Variants in PIK3R4 observed in about 807,000 individuals in gnomAD.
PIK3R4 encodes the protein phosphoinositide 3-kinase regulatory subunit 4.
A neutral mutation model predicts 136.5 loss-of-function variants in PIK3R4; 46 were observed. That is an observed-to-expected ratio of 0.34 (90% CI 0.27 to 0.43). The LOEUF (loss-of-function observed/expected upper bound fraction) is 0.43, where lower values mean the gene tolerates loss of function less well. Among genes scored for constraint, PIK3R4 ranks in the 20% least tolerant of loss-of-function variants. The probability of loss-of-function intolerance (pLI) is 1.00; values close to 1 mark genes in which losing one functional copy is unlikely to be tolerated. For missense variants in PIK3R4, 1,331 were observed against 1,649.5 expected (o/e 0.81, Z 3.35); for synonymous variants, 557 against 566.7 (o/e 0.98, Z 0.24).
chr3:130,744,436 G>T, intron 2 of PIK3R4, 50 bp downstream of exon 2: 1 of 1,529,222 alleles, frequency 6.5e-7, no homozygotes, highest in Non-Finnish European at 8.7e-7. Context: ...CTGTTTAACA[G>T]TTAAAAGAAA....
chr3:130,716,589 T>C lies in PIK3R4; in HGVS notation c.2138A>G (p.Lys713Arg). 6.2e-7 allele frequency: 1 copy of C among 1,609,580 alleles called. No homozygotes were observed. Residue 713 changes from lysine (K) to arginine (R), a missense_variant, in exon 9 of 20, where the codon AAA becomes AGA. Around this residue, in one of 2 missense-constraint regions of PIK3R4, gnomAD observed 1,180 missense variants for 1,407.0 expected, o/e 0.84. Transcript: ENST00000356763. ...ITQPIIQIER[K>R]LVLLSVLKEP... Reference sequence around the variant, plus strand: ...CTTTAAAACACTGAGCAGAACAAGTTTTCTTTCAATCTATATTGGAAAAAT... The same window carrying C: ...CTTTAAAACACTGAGCAGAACAAGTCTTCTTTCAATCTATATTGGAAAAAT...
chr3:130,729,028 C>A (rs2066748487), intron 5 of PIK3R4, among the ~76,000 whole-genome samples: 1 of 152,120 alleles, frequency 6.6e-6, no homozygotes, highest in African/African-American at 2.4e-5. Context: ...TAATCAAGGA[C>A]TTGAAAATAA....
At chr3:130,702,782 C>A (rs965268081) in intron 13 of PIK3R4, among the ~76,000 whole-genome samples, 2 of 152,192 alleles carry the variant, frequency 1.3e-5, no homozygotes, top group Admixed American at 6.6e-5. Flanking sequence ...TTATTAAAAT[C>A]ACATCATGCA....
chr3:130,706,443 G>A (rs1224195342), intron 11 of PIK3R4, among the ~76,000 whole-genome samples: 2 of 152,154 alleles, frequency 1.3e-5, no homozygotes, highest in Non-Finnish European at 2.9e-5. Context: ...GGTACCGGAA[G>A]TACAGTTTCT....
intron 12 of PIK3R4, among the ~76,000 whole-genome samples, chr3:130,704,505 G>A (rs1377787285): frequency 1.3e-5 from 2 of 152,244 alleles, no homozygotes; most frequent in East Asian, 3.9e-4. Context: ...GTCCACATCA[G>A]TAGCCCATAG....
chr3:130,707,215 C>A, intron 10 of PIK3R4, 80 bp from the exon 11 acceptor site: 7 of 906,596 alleles, frequency 7.7e-6, no homozygotes, highest in Non-Finnish European at 1.1e-5. Context: ...TTGGAGGGGA[C>A]AGTAGAGGAG....
chr3:130,714,147 T>C (rs1279599809), intron 9 of PIK3R4, among the ~76,000 whole-genome samples: 2 of 152,184 alleles, frequency 1.3e-5, no homozygotes, highest in African/African-American at 4.8e-5. Context: ...CAGAATCCAA[T>C]TTTCCACAAA....
intron 13 of PIK3R4, among the ~76,000 whole-genome samples, chr3:130,693,487 A>G (rs1377672525): frequency 4.6e-5 from 7 of 152,120 alleles, no homozygotes; most frequent in Non-Finnish European, 5.9e-5. Context: ...TACTATAGCC[A>G]TTGTAGTGGG....
chr3:130,705,852 T>G (rs1559823853), intron 11 of PIK3R4, 81 bp from the exon 12 acceptor site: 1 of 726,314 alleles, frequency 1.4e-6, no homozygotes, highest in Admixed American at 2.8e-5. Context: ...TGTTTTTATC[T>G]ATAAATTATA....
intron 3 of PIK3R4, 65 bp from the exon 4 acceptor site, chr3:130,734,195 C>T (rs1176766576): frequency 7.7e-7 from 1 of 1,300,362 alleles, no homozygotes; most frequent in African/African-American, 1.5e-5. Context: ...CAGATGAAAG[C>T]TACAAAGGCA....
chr3:130,714,701 T>C (rs2066652736), intron 9 of PIK3R4, among the ~76,000 whole-genome samples: 3 of 150,838 alleles, frequency 2.0e-5, no homozygotes, highest in African/African-American at 7.3e-5. Flanking sequence ...GAACATGCAG[T>C]GTTTGGTTTT....
intron 15 of PIK3R4, among the ~76,000 whole-genome samples, chr3:130,685,002 G>A (rs1242689354): frequency 6.6e-6 from 1 of 152,136 alleles, no homozygotes; most frequent in Admixed American, 6.6e-5. Flanking sequence ...ATGAGTTAGG[G>A]AATCTAGAAA....
chr3:130,728,614 T>C lies in PIK3R4; in HGVS notation c.1656A>G (p.Val552=). Residue 552 remains valine, a synonymous_variant, in exon 6 of 20, where the codon GTA becomes GTG. Coordinates refer to ENST00000356763, the MANE Select transcript of PIK3R4 (RefSeq NM_014602.3). The part of the protein sequence containing the change: ...VTLLSDPENI[V]KQTLMENGIT... ...TTCCATTTTCCATCAAGGTTTGTTT[T>C]ACAATATTTTCAGGGTCACTTAGCA... The C allele has an allele frequency of 1.2e-6, 2 of 1,611,370 alleles. No individual in the cohort carries two copies. Among genetic ancestry groups the C allele is most frequent in the Non-Finnish European group, 1.7e-6 (2 of 1,179,396 alleles).
At chr3:130,734,943 T>C (rs2066778044) in intron 3 of PIK3R4, among the ~76,000 whole-genome samples, 1 of 152,206 alleles carries the variant, frequency 6.6e-6, no homozygotes, top group Admixed American at 6.5e-5. Context: ...AAATGTTAAC[T>C]AGTTAGAATT....
Position 130,744,997 on chromosome 3 carries a change from C to A in PIK3R4, c.222G>T (p.Leu74=), listed in dbSNP as rs138406851. The change falls in exon 2 of 20, where the codon CTG becomes CTT. Residue 74 remains leucine (L), a synonymous_variant. Transcript: ENST00000356763. ...TCTGTGCAGAATTAAGCCTGATTTT[C>A]AGTTCCTCCAGCTCTTGTTTATAGC... ...LTSYKQELEE[L]KIRLNSAQNC... The A allele has an allele frequency of 7.0e-5, 113 of 1,614,070 alleles. No homozygotes were observed. The highest frequency in any genetic ancestry group is 6.8e-5 in the Non-Finnish European group (80 of 1,180,014).
chr3:130,681,113 C>T (rs2066455861), intron 17 of PIK3R4, 48 bp from the exon 18 acceptor site: 13 of 1,020,520 alleles, frequency 1.3e-5, no homozygotes, highest in Non-Finnish European at 1.6e-5. Context: ...CCGTGTATTC[C>T]ATAAATGATA....
intron 3 of PIK3R4, among the ~76,000 whole-genome samples, chr3:130,734,885 A>C (rs1426560588): frequency 6.6e-6 from 1 of 152,224 alleles, no homozygotes; most frequent in East Asian, 1.9e-4. Flanking sequence ...TTTACAGTTT[A>C]AATAAGAGCT....
intron 9 of PIK3R4, among the ~76,000 whole-genome samples, chr3:130,711,204 G>A (rs956934968): frequency 6.6e-6 from 1 of 151,572 alleles, no homozygotes; most frequent in Non-Finnish European, 1.5e-5. Context: ...ACTTCAAACT[G>A]TACAAAACAC....
At chr3:130,744,104 A>T (rs1195479415) in intron 2 of PIK3R4, among the ~76,000 whole-genome samples, 1 of 152,218 alleles carries the variant, frequency 6.6e-6, no homozygotes, top group African/African-American at 2.4e-5. Context: ...TTCCTATAGC[A>T]GCACCCTATG....
Sources: allele counts gnomAD v4.1 joint callset (sites outside exome capture counted in the v4.1 genomes callset), GRCh38; gene constraint gnomAD v4.1.1; regional missense constraint gnomAD v4.1.1; transcripts MANE v1.5; gene names NCBI Gene and HGNC (gene_info 2026-07-23, HGNC 2026-07-21).